The following IKBKB-DT variants were observed in gnomAD, a reference collection of about 807,000 sequenced individuals.
The protein encoded by IKBKB-DT is IKBKB divergent transcript, also known as IKBKB antisense RNA.
intron 3 of IKBKB-DT, among the ~76,000 whole-genome samples, chr8:42,246,519 T>C (rs1455777528): frequency 6.6e-6 from 1 of 152,202 alleles, no homozygotes; most frequent in Admixed American, 6.5e-5. Context: ...AAAACTTATA[T>C]GTCAGGATCC....
intron 3 of IKBKB-DT, among the ~76,000 whole-genome samples, chr8:42,260,687 A>AG (rs961839558): frequency 5.9e-5 from 9 of 151,766 alleles, no homozygotes; most frequent in African/African-American, 2.2e-4. Context: ...AAAAAAAAAA[A>AG]AAAAAATCCT....
intron 3 of IKBKB-DT, among the ~76,000 whole-genome samples, chr8:42,262,426 TTTTATTTA>T (rs57144579): frequency 6.2e-5 from 9 of 144,286 alleles, no homozygotes; most frequent in Non-Finnish European, 1.3e-4. Context: ...TACCACATTC[TTTTATTTA>T]TTTATTTATT....
intron 3 of IKBKB-DT, among the ~76,000 whole-genome samples, chr8:42,248,459 T>C (rs983968976): frequency 9.9e-5 from 15 of 152,158 alleles, no homozygotes; most frequent in South Asian, 6.2e-4. Context: ...AAGGTAGATG[T>C]TTTCCAGGAA....
rs368961877 is a variant in IKBKB-DT, at chr8:42,256,314, C to A, written n.1529+7015G>T. On this transcript the variant is annotated intron_variant and non_coding_transcript_variant, in intron 3 of 3. Transcript: ENST00000518213. ...TGGTGGCTCATGCCTGTAATCCCAG[C>A]AGTTTGGGAGGCTGAGGCAGGTGGA... is the stretch of plus-strand genomic sequence containing the variant. Among the ~76,000 whole-genome samples the A allele has an allele frequency of 3.3e-5, 5 of 150,958 alleles. No individual in the cohort carries two copies. The East Asian group carries it at 5.9e-4, about 18-fold the overall frequency.
At chr8:42,261,767 G>A (rs1807292074) in intron 3 of IKBKB-DT, among the ~76,000 whole-genome samples, 1 of 152,166 alleles carries the variant, frequency 6.6e-6, no homozygotes, top group Admixed American at 6.6e-5. Context: ...ACTAGATTCT[G>A]ACCGTTTTGA....
Position 42,248,395 on chromosome 8 carries a change from T to C in IKBKB-DT, n.1530-14536A>G, listed in dbSNP as rs143154160. Among the ~76,000 whole-genome samples the C allele has an allele frequency of 2.9e-3, 447 of 152,252 alleles. 5 individuals are homozygous for C. Among genetic ancestry groups the C allele is most frequent in the Middle Eastern group, 0.024 (7 of 294 alleles). On this transcript the variant is annotated intron_variant and non_coding_transcript_variant, in intron 3 of 3. Transcript: ENST00000518213. ...GTATTGATACTACCATTTGTTGTTC[T>C]GGCCATTTTTGCCAAGCAGCTGTAC...
chr8:42,246,856 AG>A (rs1291832320), intron 3 of IKBKB-DT, among the ~76,000 whole-genome samples: 1 of 152,012 alleles, frequency 6.6e-6, no homozygotes, highest in Non-Finnish European at 1.5e-5. Flanking sequence ...GGTGGGAGTG[AG>A]GGGGAATGGT....
chr8:42,248,870 A>C (rs77718156), intron 3 of IKBKB-DT, among the ~76,000 whole-genome samples: 3 of 121,800 alleles, frequency 2.5e-5, no homozygotes, highest in African/African-American at 1.3e-4. Flanking sequence ...AGGCTCTACC[A>C]AAAAAAAAAA....
At chr8:42,249,356 A>C (rs1355608148) in intron 3 of IKBKB-DT, 1 of 152,150 alleles carries the variant, frequency 6.6e-6, no homozygotes, top group Non-Finnish European at 1.5e-5. Flanking sequence ...GCGACAGAGC[A>C]GGCCCCTGTT....
At chr8:42,251,828 C>CAAAAAAAAA (rs59420104) in intron 3 of IKBKB-DT, among the ~76,000 whole-genome samples, 4 of 91,446 alleles carry the variant, frequency 4.4e-5, no homozygotes, top group African/African-American at 1.6e-4. Context: ...GACTCCATCT[C>CAAAAAAAAA]AAAAAAAAAA....
rs552026486 is a variant in IKBKB-DT, at chr8:42,233,910, C to T, written n.1530-51G>A. 6 of 152,154 alleles carry T rather than the reference C, an allele frequency of 3.9e-5. No homozygotes were observed. In the South Asian group the frequency reaches 1.3e-3, roughly 32 times the overall value. 9.4% of individuals were successfully genotyped at this position (152,154 alleles called of 1,614,324 possible). ...TTGATCTGGGTGGTGCCAGCTGATC[C>T]ATCAAGTGCAGGGTCTGCAAAATAT... On this transcript the variant is annotated intron_variant and non_coding_transcript_variant, in intron 3 of 3. Transcript: ENST00000518213.
intron 3 of IKBKB-DT, among the ~76,000 whole-genome samples, chr8:42,245,650 C>G (rs1198983051): frequency 1.3e-5 from 2 of 152,168 alleles, no homozygotes; most frequent in African/African-American, 4.8e-5. Flanking sequence ...GTTCTGTAAT[C>G]ATTATAGAAT....
At chr8:42,240,772 C>T (rs552017111) in intron 3 of IKBKB-DT, among the ~76,000 whole-genome samples, 14 of 151,712 alleles carry the variant, frequency 9.2e-5, no homozygotes, top group African/African-American at 1.5e-4. Flanking sequence ...GTCAGGAGTT[C>T]GAGGTCAGCC....
chr8:42,265,475 G>A (rs1807357234), intron 2 of IKBKB-DT: 1 of 152,346 alleles, frequency 6.6e-6, no homozygotes. Flanking sequence ...CAGGCAGGTA[G>A]GAGGGCCAGG....
chr8:42,242,368 C>T (rs959685638), intron 3 of IKBKB-DT, among the ~76,000 whole-genome samples: 1 of 151,992 alleles, frequency 6.6e-6, no homozygotes, highest in African/African-American at 2.4e-5. Context: ...GGTTTAGATG[C>T]TGTTATTAGC....
chr8:42,261,816 C>G (rs907313219), intron 3 of IKBKB-DT, among the ~76,000 whole-genome samples: 4 of 152,194 alleles, frequency 2.6e-5, no homozygotes, highest in African/African-American at 9.7e-5. Context: ...AGATGGGATG[C>G]AGCCCACACT....
chr8:42,246,598 T>C (rs1807067411), intron 3 of IKBKB-DT, among the ~76,000 whole-genome samples: 1 of 152,184 alleles, frequency 6.6e-6, no homozygotes, highest in Non-Finnish European at 1.5e-5. Flanking sequence ...AGCTCTACGA[T>C]ATCAGTAAAC....
chr8:42,252,958 G>A (rs1312805650), intron 3 of IKBKB-DT, among the ~76,000 whole-genome samples: 5 of 152,126 alleles, frequency 3.3e-5, no homozygotes, highest in African/African-American at 1.2e-4. Flanking sequence ...ATTTTGAAAT[G>A]GCCCTGCAAA....
At chr8:42,269,638 G>C (rs1461300211) in intron 1 of IKBKB-DT, among the ~76,000 whole-genome samples, 1 of 151,328 alleles carries the variant, frequency 6.6e-6, no homozygotes, top group Non-Finnish European at 1.5e-5. Context: ...AAAAGAGAGA[G>C]AGAGAGAAAG....
Sources: allele counts gnomAD v4.1 joint callset (sites outside exome capture counted in the v4.1 genomes callset), GRCh38; gene constraint gnomAD v4.1.1; transcripts MANE v1.5; gene names NCBI Gene and HGNC (gene_info 2026-07-23, HGNC 2026-07-21).